The following ZNF644 variants were observed in gnomAD, a reference collection of about 807,000 sequenced individuals.
The protein encoded by ZNF644 is zinc finger protein 644.
ZNF644 carries 20 observed loss-of-function variants against 108.0 expected under a neutral mutation model. The observed-to-expected ratio is 0.19, with a 90% confidence interval of 0.13 to 0.27. ZNF644 has a LOEUF of 0.27. Ranked by LOEUF, ZNF644 falls within the 10% of genes least tolerant of loss-of-function variation. ZNF644 has a pLI of 1.00. For missense variants in ZNF644, 1,338 were observed against 1,548.9 expected, an observed-to-expected ratio of 0.86 and a Z score of 2.29; for synonymous variants, 542 against 539.1, an observed-to-expected ratio of 1.01 and a Z score of -0.08.
intron 1 of ZNF644, among the ~76,000 whole-genome samples, chr1:91,002,582 G>T (rs1188013346): frequency 6.6e-5 from 10 of 152,098 alleles, no homozygotes; most frequent in Admixed American, 6.6e-4. Context: ...AACCCTAGAA[G>T]AAAACCTAGG....
At chr1:90,935,079 G>T (rs1428140540) in intron 4 of ZNF644, among the ~76,000 whole-genome samples, 1 of 152,098 alleles carries the variant, frequency 6.6e-6, no homozygotes, top group Non-Finnish European at 1.5e-5. Context: ...ACTATAAAGA[G>T]AGGTGTTTTA....
intron 2 of ZNF644, among the ~76,000 whole-genome samples, chr1:90,973,632 T>A (rs1000603994): frequency 1.1e-4 from 16 of 152,024 alleles, no homozygotes; most frequent in Non-Finnish European, 1.9e-4. Context: ...GTAGAAAGAG[T>A]AAACATCATA....
At position 90,916,679 on chromosome 1, in the gene ZNF644, C is replaced by G. The variant is rs1648800669; in HGVS notation, c.*119G>C. ...AATTTGCTCTGATGTCACTGTAATT[C>G]ACTTTCCCCCCATTTTCCTGCTTTA... On this transcript the variant is annotated 3_prime_UTR_variant, in exon 6 of 6. Coordinates refer to ENST00000337393, the MANE Select transcript of ZNF644 (RefSeq NM_201269.3). 4 of 1,092,804 alleles carry G rather than the reference C, an allele frequency of 3.7e-6. No homozygotes were observed. Among genetic ancestry groups the G allele is most frequent in the Admixed American group, 2.0e-5 (1 of 49,382 alleles). The allele number at this position is 1,092,804 out of a possible 1,614,324, so 67.7% of individuals were successfully genotyped here.
intron 2 of ZNF644, among the ~76,000 whole-genome samples, chr1:90,964,386 C>G (rs1654632063): frequency 6.6e-6 from 1 of 152,030 alleles, no homozygotes; most frequent in Non-Finnish European, 1.5e-5. Flanking sequence ...ATAAATGACA[C>G]CTGACCTAAA....
chr1:90,926,338 C>T (rs1650032833), intron 4 of ZNF644, among the ~76,000 whole-genome samples: 1 of 152,178 alleles, frequency 6.6e-6, no homozygotes, highest in Non-Finnish European at 1.5e-5. Flanking sequence ...TGCACCCCCT[C>T]ATGAATATTC....
rs150169203 is a variant in ZNF644, at chr1:90,976,762, T to A, written c.44+5548A>T. Among the ~76,000 whole-genome samples the A allele has an allele frequency of 3.1e-3, 478 of 152,182 alleles. 2 individuals carry two copies. The highest frequency in any genetic ancestry group is 0.011 in the African/African-American group (444 of 41,510). ...AGAGATGTAGATCAAGACAGACAGA[T>A]ATACAGTTGACCCTTCATATCTGAA... On this transcript the variant is annotated intron_variant, in intron 2 of 5. Transcript: ENST00000337393.
At chr1:90,952,777 G>A (rs556660457) in intron 2 of ZNF644, among the ~76,000 whole-genome samples, 43 of 152,094 alleles carry the variant, frequency 2.8e-4, no homozygotes, top group Non-Finnish European at 5.0e-4. Flanking sequence ...GGAAAGAAGA[G>A]AGAATATAAG....
chr1:90,956,663 C>T (rs1159589113), intron 2 of ZNF644, among the ~76,000 whole-genome samples: 3 of 152,058 alleles, frequency 2.0e-5, no homozygotes, highest in Non-Finnish European at 2.9e-5. Context: ...GCAAACTAAA[C>T]CCAAAGCCAG....
intron 1 of ZNF644, among the ~76,000 whole-genome samples, chr1:91,019,044 T>A (rs182046481): frequency 1.3e-5 from 2 of 152,332 alleles, no homozygotes; most frequent in East Asian, 1.9e-4. Flanking sequence ...ATCAGTAATT[T>A]AAAAGCACCT....
chr1:90,984,538 C>A (rs572766304), intron 1 of ZNF644, among the ~76,000 whole-genome samples: 1 of 152,204 alleles, frequency 6.6e-6, no homozygotes, highest in East Asian at 1.9e-4. Flanking sequence ...TAGGCACACA[C>A]CACCATGCCT....
chr1:90,933,599 G>T lies in ZNF644; in HGVS notation c.3688+3886C>A, dbSNP rs183631812. On this transcript the variant is annotated intron_variant, in intron 4 of 5. Coordinates refer to ENST00000337393, the MANE Select transcript of ZNF644 (RefSeq NM_201269.3). The stretch of plus-strand genomic sequence containing the variant: ...GAATTGCTTGAACCAGGGAGGTGGA[G>T]GTTGCAGTGAGCCGAGATCGCGCCA... 4.3e-3 allele frequency among the ~76,000 whole-genome samples: 659 copies of T among 152,278 alleles called. 2 individuals carry two copies. Among genetic ancestry groups the T allele is most frequent in the African/African-American group, 0.015 (620 of 41,558 alleles).
chr1:90,938,261 G>A lies in ZNF644; in HGVS notation c.3082+11C>T. 1 of 1,613,890 alleles carries A rather than the reference G, an allele frequency of 6.2e-7. No homozygotes were observed. Among genetic ancestry groups the A allele is most frequent in the Non-Finnish European group, 8.5e-7 (1 of 1,179,848 alleles). ...ACCTATCAGCCCAAATCATCCCCAT[G>A]GAGAACTTACCTTTTCTAACTCGTT... On this transcript the variant is annotated intron_variant, in intron 3 of 5. Transcript: ENST00000337393. The surrounding 1 kb of genome is among the most constrained non-coding windows in gnomAD (Gnocchi z 4.2).
chr1:90,978,352 T>TA (rs59090395), intron 2 of ZNF644, among the ~76,000 whole-genome samples: 14,311 of 133,674 alleles, frequency 0.11, 842 homozygotes, highest in South Asian at 0.16. Context: ...AACTTTGTCT[T>TA]AAAAAAAAAA....
At chr1:90,956,303 T>C (rs1027363024) in intron 2 of ZNF644, among the ~76,000 whole-genome samples, 2 of 152,216 alleles carry the variant, frequency 1.3e-5, no homozygotes, top group Non-Finnish European at 2.9e-5. Context: ...CATATGTTGT[T>C]GAGAAAATGA....
At chr1:91,008,778 A>G (rs527257517) in intron 1 of ZNF644, among the ~76,000 whole-genome samples, 2 of 152,198 alleles carry the variant, frequency 1.3e-5, no homozygotes, top group Non-Finnish European at 2.9e-5. Context: ...CCTCACTATT[A>G]ACGTCTTTAC....
At chr1:90,949,773 A>G (rs1260554316) in intron 2 of ZNF644, among the ~76,000 whole-genome samples, 1 of 152,184 alleles carries the variant, frequency 6.6e-6, no homozygotes, top group Non-Finnish European at 1.5e-5. Flanking sequence ...AAAGGTCTGG[A>G]GCATCATTGG....
At chr1:90,983,481 C>CAAAAAAA (rs768476839) in intron 1 of ZNF644, among the ~76,000 whole-genome samples, 7 of 63,430 alleles carry the variant, frequency 1.1e-4, no homozygotes, top group Admixed American at 3.4e-4. Context: ...CCTCATATGG[C>CAAAAAAA]AAAAAAAAAA....
At chr1:91,004,308 A>C (rs143482209) in intron 1 of ZNF644, among the ~76,000 whole-genome samples, 67 of 152,292 alleles carry the variant, frequency 4.4e-4, no homozygotes, top group Non-Finnish European at 7.6e-4. Context: ...ATCCTAAAAG[A>C]AGCAAGAAAG....
At chr1:91,015,324 G>C (rs930118097) in intron 1 of ZNF644, among the ~76,000 whole-genome samples, 3 of 152,214 alleles carry the variant, frequency 2.0e-5, no homozygotes, top group African/African-American at 7.2e-5. Context: ...GAGAGGAAAA[G>C]AGCAAAAGGA....
Sources: allele counts gnomAD v4.1 joint callset (sites outside exome capture counted in the v4.1 genomes callset), GRCh38; gene constraint gnomAD v4.1.1; non-coding constraint Gnocchi (gnomAD v3.1); transcripts MANE v1.5; gene names NCBI Gene and HGNC (gene_info 2026-07-23, HGNC 2026-07-21).